TAPT1: variants seen among roughly 807,000 people sequenced by gnomAD.
TAPT1 encodes the protein transmembrane anterior posterior transformation 1.
Under a neutral mutation model 65.6 loss-of-function variants are expected in TAPT1, and 28 were observed. That is an observed-to-expected ratio of 0.43 (90% CI 0.32 to 0.59). The LOEUF (loss-of-function observed/expected upper bound fraction) is 0.59. Ranked by LOEUF, TAPT1 falls within the 20% of genes least tolerant of loss-of-function variation. TAPT1 has a pLI of 0.09. For synonymous variants in TAPT1, 278 were observed against 245.2 expected (o/e 1.13, Z -1.25); for missense variants, 563 against 679.9 (o/e 0.83, Z 1.91).
Position 16,191,310 on chromosome 4 carries a change from T to G in TAPT1, c.612+51A>C, listed in dbSNP as rs1305427494. 2.0e-6 allele frequency: 3 copies of G among 1,538,364 alleles called. No individual in the cohort carries two copies. In the Admixed American group the frequency reaches 6.1e-5, roughly 31 times the overall value. Reference sequence around the variant, plus strand: ...CTCAGGTACCTTCAGAACTGAAGACTTGAAGCTGAGTGCCCTGGCCAGGCC... The same window carrying G: ...CTCAGGTACCTTCAGAACTGAAGACGTGAAGCTGAGTGCCCTGGCCAGGCC... On this transcript the variant is annotated intron_variant, in intron 4 of 13. Transcript: ENST00000405303.
rs187846956 is a variant in TAPT1 at position 16,197,185 on chromosome 4, C to G, written c.449+5277G>C. Among the ~76,000 whole-genome samples, 26 of 152,284 alleles carry G rather than the reference C, an allele frequency of 1.7e-4. No individual in the cohort carries two copies. In the East Asian group the frequency reaches 2.7e-3, roughly 16 times the overall value. ...TCTCAAAAGAAAATGATACTATTGC[C>G]TCTTCAACCAAGAAAAATAAAAGCC... On this transcript the variant is annotated intron_variant, in intron 3 of 13. Coordinates refer to ENST00000405303, the MANE Select transcript of TAPT1 (RefSeq NM_153365.3).
In TAPT1 at chr4:16,188,269, T is replaced by A. The variant is rs769040312; in HGVS notation, c.699A>T (p.Arg233Ser). The A allele has an allele frequency of 5.6e-6, 9 of 1,612,762 alleles. No individual in the cohort carries two copies. In the African/African-American group the frequency reaches 1.2e-4, roughly 22 times the overall value. The change falls in exon 5 of 14, where the codon AGA becomes AGT. Residue 233 changes from arginine (R) to serine (S), a missense_variant. By Grantham distance (110) the Arg-to-Ser change is moderately radical (BLOSUM62 -1). Around this residue, in one of 5 missense-constraint regions of TAPT1, gnomAD observed 217 missense variants for 317.5 expected, o/e 0.68. Transcript: ENST00000405303. Reference sequence around the variant, plus strand: ...AGTGAGGAATCACCCCAATGTGGGCTCTTTTTCTTTCTTTAGGCTCTGTTG... The same window carrying A: ...AGTGAGGAATCACCCCAATGTGGGCACTTTTTCTTTCTTTAGGCTCTGTTG... ...WTATEPKERK[R>S]AHIGVIPHFF...
intron 1 of TAPT1, among the ~76,000 whole-genome samples, chr4:16,221,576 T>C (rs1181739039): frequency 6.6e-6 from 1 of 152,216 alleles, no homozygotes; most frequent in Non-Finnish European, 1.5e-5. Flanking sequence ...AGAAAGCTTA[T>C]TTTAGAAATA....
chr4:16,180,066 T>A (rs1748620264), intron 7 of TAPT1, among the ~76,000 whole-genome samples: 2 of 152,272 alleles, frequency 1.3e-5, no homozygotes, highest in African/African-American at 4.8e-5. Context: ...AATCCTTGTA[T>A]AAAATCCCAG....
intron 2 of TAPT1, among the ~76,000 whole-genome samples, chr4:16,208,597 A>C (rs1480146595): frequency 6.6e-6 from 1 of 152,188 alleles, no homozygotes; most frequent in East Asian, 1.9e-4. Context: ...AAGCAAGAGG[A>C]CCCAAAGCCA....
rs187989542 is a variant in TAPT1, at chr4:16,170,503, T to C, written c.1313+150A>G. 44 of 501,728 alleles carry C rather than the reference T, an allele frequency of 8.8e-5. No individual in the cohort carries two copies. In the Middle Eastern group the frequency reaches 1.6e-3, roughly 18 times the overall value. The allele number at this position is 501,728 out of a possible 1,614,324, so 31.1% of individuals were successfully genotyped here. On this transcript the variant is annotated intron_variant, in intron 12 of 13. Coordinates refer to ENST00000405303, the MANE Select transcript of TAPT1 (RefSeq NM_153365.3). ...TAGCAGCGTAGTTAATCTAACTGAG[T>C]CACAAATAAATACACTTGGAGGTAT...
At chr4:16,218,556 T>C (rs575561618) in intron 1 of TAPT1, among the ~76,000 whole-genome samples, 17 of 152,242 alleles carry the variant, frequency 1.1e-4, no homozygotes, top group Non-Finnish European at 2.4e-4. Context: ...TGGTACCAGC[T>C]GTCTTAAACA....
At chr4:16,167,499 C>G (rs547666870) in intron 12 of TAPT1, among the ~76,000 whole-genome samples, 1 of 152,236 alleles carries the variant, frequency 6.6e-6, no homozygotes, top group Admixed American at 6.5e-5. Context: ...TCTGAGTACA[C>G]CTCTATTTGT....
In TAPT1 at chr4:16,161,999, A is replaced by C. The variant is rs1344830464; in HGVS notation, c.*1309T>G. The C allele has an allele frequency of 6.6e-6, 1 of 152,242 alleles. No homozygotes were observed. Among genetic ancestry groups the C allele is most frequent in the African/African-American group, 2.4e-5 (1 of 41,462 alleles). 9.4% of individuals were successfully genotyped at this position (152,242 alleles called of 1,614,324 possible). On this transcript the variant is annotated 3_prime_UTR_variant, in exon 14 of 14. Coordinates refer to ENST00000405303, the MANE Select transcript of TAPT1 (RefSeq NM_153365.3). ...TACAGAAATGCAAACACGGTTGTCA[A>C]GATAAAATGGGGTGGGAAATAACTT...
At chr4:16,194,874 T>TCCTCCTCC (rs1560172327) in intron 3 of TAPT1, among the ~76,000 whole-genome samples, 1 of 98,408 alleles carries the variant, frequency 1.0e-5, no homozygotes, top group African/African-American at 3.2e-5. Context: ...CTTCTTCTTC[T>TCCTCCTCC]TCTTCTTCTT....
In TAPT1 at chr4:16,161,214, C is replaced by T. The variant is rs1214859913; in HGVS notation, c.*2094G>A. Reference sequence around the variant, plus strand: ...AGATAGCTCTATCACTTGTGAATTACAAATAAATACTTATTATACAGTGGG... The same window carrying T: ...AGATAGCTCTATCACTTGTGAATTATAAATAAATACTTATTATACAGTGGG... On this transcript the variant is annotated 3_prime_UTR_variant, in exon 14 of 14. Coordinates refer to ENST00000405303, the MANE Select transcript of TAPT1 (RefSeq NM_153365.3). The T allele has an allele frequency of 6.6e-6, 1 of 152,570 alleles. No individual in the cohort carries two copies. Among genetic ancestry groups the T allele is most frequent in the Non-Finnish European group, 1.5e-5 (1 of 68,038 alleles). 9.5% of individuals were successfully genotyped at this position (152,570 alleles called of 1,614,324 possible).
At chr4:16,191,706 C>T (rs528259319) in intron 3 of TAPT1, among the ~76,000 whole-genome samples, 183 bp from the exon 4 acceptor site, 76 of 152,224 alleles carry the variant, frequency 5.0e-4, no homozygotes, top group African/African-American at 1.8e-3. Context: ...AATTTTCTGT[C>T]CAAGTATAGA....
intron 2 of TAPT1, among the ~76,000 whole-genome samples, chr4:16,203,474 T>G (rs1332063671): frequency 1.3e-5 from 2 of 152,158 alleles, no homozygotes; most frequent in African/African-American, 4.8e-5. Flanking sequence ...TTTAAGTTCC[T>G]ATGTTGGTAC....
intron 3 of TAPT1, among the ~76,000 whole-genome samples, chr4:16,201,262 TA>T (rs1209458990): frequency 1.3e-5 from 2 of 152,198 alleles, no homozygotes; most frequent in Non-Finnish European, 2.9e-5. Context: ...TTTACTACTT[TA>T]AAAAAGAACC....
intron 3 of TAPT1, among the ~76,000 whole-genome samples, chr4:16,201,919 A>G (rs1180802805): frequency 6.6e-6 from 1 of 152,134 alleles, no homozygotes; most frequent in Non-Finnish European, 1.5e-5. Context: ...CCGTGGGGAC[A>G]ATGGTCTTCC....
intron 7 of TAPT1, among the ~76,000 whole-genome samples, chr4:16,184,674 T>C (rs1442690494): frequency 6.6e-6 from 1 of 152,212 alleles, no homozygotes; most frequent in Non-Finnish European, 1.5e-5. Context: ...TGTGCAGTGC[T>C]ATCTCATTAT....
In TAPT1 at chr4:16,225,310, C is replaced by T. The variant is rs1348607017; in HGVS notation, c.199+949G>A. Among the ~76,000 whole-genome samples the T allele has an allele frequency of 4.6e-5, 7 of 152,186 alleles. No homozygotes were observed. In the East Asian group the frequency reaches 1.3e-3, roughly 29 times the overall value. On this transcript the variant is annotated intron_variant, in intron 1 of 13. Transcript: ENST00000405303. The stretch of plus-strand genomic sequence containing the variant: ...ACTCAAGTACAATCAATGATGTAAT[C>T]AGCCTCACAACTTAGTTATTTGCAT...
At chr4:16,188,428 C>T (rs1462585916) in intron 4 of TAPT1, 73 bp from the exon 5 acceptor site, 2 of 1,216,820 alleles carry the variant, frequency 1.6e-6, no homozygotes, top group African/African-American at 3.1e-5. Flanking sequence ...TGAGATATAG[C>T]TCAAATCCTG....
intron 2 of TAPT1, among the ~76,000 whole-genome samples, chr4:16,211,499 A>G (rs1750652223): frequency 6.6e-6 from 1 of 152,204 alleles, no homozygotes; most frequent in Non-Finnish European, 1.5e-5. Context: ...TTAAGAAAAA[A>G]TGCTCCAAAC....
Sources: gnomAD v4.1 joint callset for allele counts (sites outside exome capture counted in the v4.1 genomes callset) on GRCh38, gnomAD v4.1.1 for gene constraint, gnomAD v4.1.1 regional missense constraint, MANE v1.5 for transcripts, NCBI Gene and HGNC (gene_info 2026-07-23, HGNC 2026-07-21) for gene names.